COL17A1: variants seen among roughly 807,000 people sequenced by gnomAD.
COL17A1 encodes collagen type XVII alpha 1 chain.
A neutral mutation model predicts 218.4 loss-of-function variants in COL17A1; 181 were observed. That is an observed-to-expected ratio of 0.83 (90% CI 0.73 to 0.94). COL17A1 has a LOEUF of 0.94. COL17A1 is among the 40% of genes least tolerant of loss of function. The probability of loss-of-function intolerance (pLI) is 0.00; values close to 1 mark genes in which losing one functional copy is unlikely to be tolerated. For missense variants in COL17A1, 1,924 were observed against 1,945.9 expected (o/e 0.99, Z 0.21); for synonymous variants, 721 against 731.0 (o/e 0.99, Z 0.22).
At chr10:104,074,082 A>G (rs1419613407) in intron 6 of COL17A1, 102 bp downstream of exon 6, 1 of 1,578,792 alleles carries the variant, frequency 6.3e-7, no homozygotes, top group African/African-American at 1.3e-5. Flanking sequence ...AGAAGAATCC[A>G]TTTAACTCAT....
At position 104,035,511 on chromosome 10, in the gene COL17A1, C is replaced by T. The variant is rs775754157; in HGVS notation, c.3471G>A (p.Pro1157=). ...AGAGGAGCTCCTCATAGGAGGTTCC[C>T]GGCAAGCCAGGGGGCCCCGGGGGAC... ...LPGPPGPPGL[P]GTSYEELLSL... Residue 1157 remains proline (P), a synonymous_variant, in exon 49 of 56, where the codon CCG becomes CCA. Transcript: ENST00000648076. The T allele has an allele frequency of 1.4e-5, 23 of 1,613,518 alleles. No homozygotes were observed. In the East Asian group the frequency reaches 1.8e-4, roughly 13 times the overall value.
At chr10:104,067,334 TAAAAAAA>T (rs58260510) in intron 9 of COL17A1, among the ~76,000 whole-genome samples, 8 of 110,434 alleles carry the variant, frequency 7.2e-5, no homozygotes, top group South Asian at 3.1e-4. Flanking sequence ...GGCTCAGGAA[TAAAAAAA>T]AAAAAAAAAA....
At position 104,067,657 on chromosome 10, in the gene COL17A1, T is replaced by G. The variant is rs542549239; in HGVS notation, c.607+2769A>C. On this transcript the variant is annotated intron_variant, in intron 9 of 55. Coordinates refer to ENST00000648076, the MANE Select transcript of COL17A1 (RefSeq NM_000494.4). Reference sequence around the variant, plus strand: ...ACCCTGAAGGCAAGGGAGCCGGCTGTGCAGCTGCAGGTGTGGGGGCGGCAG... The same window carrying G: ...ACCCTGAAGGCAAGGGAGCCGGCTGGGCAGCTGCAGGTGTGGGGGCGGCAG... Among the ~76,000 whole-genome samples, 12 of 152,172 alleles carry G rather than the reference T, an allele frequency of 7.9e-5. No individual in the cohort carries two copies. The South Asian group carries it at 2.5e-3, about 32-fold the overall frequency.
At chr10:104,055,137 C>A in intron 19 of COL17A1, 130 bp from the exon 20 acceptor site, 1 of 1,520,732 alleles carries the variant, frequency 6.6e-7, no homozygotes, top group Non-Finnish European at 9.0e-7. Flanking sequence ...CGGCGAGTCC[C>A]TCCCAGTCCC....
In COL17A1 at chr10:104,057,101, C is replaced by T. The variant is rs200223042; in HGVS notation, c.1339G>A (p.Gly447Ser). The T allele has an allele frequency of 2.4e-5, 39 of 1,612,418 alleles. No homozygotes were observed. Among genetic ancestry groups the T allele is most frequent in the African/African-American group, 6.7e-5 (5 of 74,658 alleles). Residue 447 changes from glycine to serine, a missense_variant, in exon 17 of 56, where the codon GGC becomes AGC. Transcript: ENST00000648076. Reference sequence around the variant, plus strand: ...CAGGCTGGCGCTGGTCCCCAAGGGCCGCCGCCAGCGCCACCAACACCGCCA... The same window carrying T: ...CAGGCTGGCGCTGGTCCCCAAGGGCTGCCGCCAGCGCCACCAACACCGCCA... Reference protein sequence around the residue: ...GGGGVGGAGGGPWGPAPAWCP... With the variant: ...GGGGVGGAGGSPWGPAPAWCP...
intron 12 of COL17A1, 51 bp downstream of exon 12, chr10:104,062,207 G>A (rs774640767): frequency 1.9e-5 from 31 of 1,613,838 alleles, no homozygotes; most frequent in Non-Finnish European, 2.5e-5. Flanking sequence ...AGTTGTAGCT[G>A]CAAAGAGGTG....
rs146713496 is a variant in COL17A1 at position 104,068,325 on chromosome 10, C to G, written c.607+2101G>C. 4.7e-3 allele frequency among the ~76,000 whole-genome samples: 711 copies of G among 152,196 alleles called. 2 individuals are homozygous for G. Among genetic ancestry groups the G allele is most frequent in the African/African-American group, 0.016 (685 of 41,526 alleles). ...ATAGAATGTCAAACTAAAGTTAAAC[C>G]AGACCTTAATATCAAACTAAAGTTA... On this transcript the variant is annotated intron_variant, in intron 9 of 55. Transcript: ENST00000648076.
At chr10:104,055,248 C>T in intron 19 of COL17A1, 124 bp downstream of exon 19, 2 of 1,534,684 alleles carry the variant, frequency 1.3e-6, no homozygotes, top group Middle Eastern at 1.7e-4. Context: ...CAACAGATAC[C>T]ATAAGATCAT....
At chr10:104,061,983 G>T (rs1484882974) in intron 12 of COL17A1, among the ~76,000 whole-genome samples, 1 of 152,152 alleles carries the variant, frequency 6.6e-6, no homozygotes, top group East Asian at 1.9e-4. Flanking sequence ...GCAGTGAGCT[G>T]GCAAGACCAC....
rs551749787 is a variant in COL17A1, at chr10:104,059,475, G to A, written c.1222+163C>T. ...TTGAACTGCAGCTTCTGACTCAGCAGATCTGAGCTAGGGCTGGGATCCTGC... is the reference window on the plus strand; with the variant it reads ...TTGAACTGCAGCTTCTGACTCAGCAAATCTGAGCTAGGGCTGGGATCCTGC... On this transcript the variant is annotated intron_variant, in intron 15 of 55. Transcript: ENST00000648076. 1.7e-5 allele frequency: 12 copies of A among 698,920 alleles called. No homozygotes were observed. In the East Asian group the frequency reaches 3.3e-4, roughly 19 times the overall value. 43.3% of individuals were successfully genotyped at this position (698,920 alleles called of 1,614,324 possible).
rs890540578 is a variant in COL17A1, at chr10:104,039,768, A to G, written c.2789-128T>C. On this transcript the variant is annotated intron_variant, in intron 41 of 55. Transcript: ENST00000648076. ...CCTTTGGGCAGTACCTAGAGATGCC[A>G]CACACACACACACACACACACACAC... 6.9e-6 allele frequency: 4 copies of G among 579,126 alleles called. No homozygotes were observed. The Admixed American group carries it at 1.4e-4, about 20-fold the overall frequency. 35.9% of individuals were successfully genotyped at this position (579,126 alleles called of 1,614,324 possible).
intron 11 of COL17A1, among the ~76,000 whole-genome samples, chr10:104,063,216 C>T (rs1236815215): frequency 6.6e-6 from 1 of 152,188 alleles, no homozygotes; most frequent in African/African-American, 2.4e-5. Flanking sequence ...GTAATATTTA[C>T]ATATAGGCTC....
chr10:104,059,218 T>TAA (rs2086559395), intron 15 of COL17A1: 6 of 231,734 alleles, frequency 2.6e-5, no homozygotes, highest in Non-Finnish European at 5.2e-5. Context: ...CTGAAATCAG[T>TAA]GATTTGGAGA....
intron 13 of COL17A1, 140 bp downstream of exon 13, chr10:104,061,265 T>G (rs2086580009): frequency 1.3e-6 from 1 of 778,972 alleles, no homozygotes; most frequent in Non-Finnish European, 2.0e-6. Context: ...AAGTTGCGTT[T>G]GCAGGCCTAA....
At chr10:104,060,452 G>A (rs1467157002) in intron 13 of COL17A1, among the ~76,000 whole-genome samples, 172 bp from the exon 14 acceptor site, 1 of 152,088 alleles carries the variant, frequency 6.6e-6, no homozygotes, top group African/African-American at 2.4e-5. Flanking sequence ...AGCATCTTGG[G>A]GACCAAGGAC....
intron 9 of COL17A1, among the ~76,000 whole-genome samples, chr10:104,066,378 A>C (rs2086626265): frequency 6.6e-6 from 1 of 152,184 alleles, no homozygotes; most frequent in African/African-American, 2.4e-5. Flanking sequence ...AAAAATGATA[A>C]AGTATTGCTG....
At chr10:104,033,163 CTG>C in intron 53 of COL17A1, 73 bp downstream of exon 53, 1 of 1,549,110 alleles carries the variant, frequency 6.5e-7, no homozygotes, top group Non-Finnish European at 8.8e-7. Flanking sequence ...TCTCATGAGA[CTG>C]GTGTCTCTGG....
chr10:104,033,140 A>G (rs993912925), intron 53 of COL17A1, 98 bp downstream of exon 53: 3 of 1,538,868 alleles, frequency 1.9e-6, no homozygotes, highest in Admixed American at 2.0e-5. Context: ...TCAAATGTTA[A>G]TAACTGGAGA....
chr10:104,052,108 G>C (rs776568566), intron 24 of COL17A1, 47 bp downstream of exon 24: 24 of 1,612,650 alleles, frequency 1.5e-5, no homozygotes, highest in South Asian at 2.2e-5. Flanking sequence ...CCTGAATGTG[G>C]CTTCTCCTCT....
Sources: allele counts gnomAD v4.1 joint callset (sites outside exome capture counted in the v4.1 genomes callset), GRCh38; gene constraint gnomAD v4.1.1; transcripts MANE v1.5; gene names NCBI Gene and HGNC (gene_info 2026-07-23, HGNC 2026-07-21).